NEK10: variants seen among roughly 807,000 people sequenced by gnomAD.
NEK10 encodes NIMA related kinase 10, also known as serine/threonine-protein kinase Nek10.
Under a neutral mutation model 159.8 loss-of-function variants are expected in NEK10, and 122 were observed. That is an observed-to-expected ratio of 0.76 (90% CI 0.66 to 0.89). The LOEUF is 0.89. Among genes scored for constraint, NEK10 ranks in the 40% least tolerant of loss-of-function variants. The probability of loss-of-function intolerance (pLI) is 0.00; values close to 1 mark genes in which losing one functional copy is unlikely to be tolerated. For missense variants in NEK10, 1,342 were observed against 1,323.1 expected, an observed-to-expected ratio of 1.01 and a Z score of -0.22; for synonymous variants, 466 against 457.1, an observed-to-expected ratio of 1.02 and a Z score of -0.25.
In NEK10 at chr3:27,106,657, T is replaced by C. The variant is rs1939018623; in HGVS notation, c.*4615A>G. Among the ~76,000 whole-genome samples the C allele has an allele frequency of 6.6e-6, 1 of 152,196 alleles. No individual in the cohort carries two copies. The highest frequency in any genetic ancestry group is 2.4e-5 in the African/African-American group (1 of 41,460). On this transcript the variant is annotated 3_prime_UTR_variant, in exon 36 of 36. Coordinates refer to ENST00000691995, the MANE Select transcript of NEK10 (RefSeq NM_001394966.1). ...AAAGGTGCCAAGGCCTTAAAGCAGT[T>C]GTTCCTCTTGGTTTGTTATTTCTGG...
intron 23 of NEK10, among the ~76,000 whole-genome samples, chr3:27,230,045 A>T (rs1257918768): frequency 5.9e-5 from 9 of 152,144 alleles, no homozygotes. Flanking sequence ...TTACAAAAAG[A>T]TCATCACAAA....
intron 23 of NEK10, among the ~76,000 whole-genome samples, chr3:27,254,180 T>G (rs1410631907): frequency 6.6e-6 from 1 of 152,170 alleles, no homozygotes; most frequent in African/African-American, 2.4e-5. Context: ...ATTATGAGAT[T>G]TTGGTTTTTT....
chr3:27,136,723 A>G (rs1002558892), intron 31 of NEK10, among the ~76,000 whole-genome samples: 2 of 152,204 alleles, frequency 1.3e-5, no homozygotes, highest in Non-Finnish European at 2.9e-5. Flanking sequence ...AAAGCAAGGT[A>G]AGGATTTTAA....
chr3:27,279,425 T>C (rs557854380), intron 22 of NEK10, among the ~76,000 whole-genome samples: 18 of 152,304 alleles, frequency 1.2e-4, no homozygotes, highest in African/African-American at 4.3e-4. Context: ...CAGGCTCTAC[T>C]AATTGCAGCT....
Position 27,171,817 on chromosome 3 carries a change from AC to A in NEK10, c.2831+1del, listed in dbSNP as rs763676097. On this transcript the variant is annotated splice_donor_variant, in intron 29 of 35. Coordinates refer to ENST00000691995, the MANE Select transcript of NEK10 (RefSeq NM_001394966.1). LOFTEE classifies it high-confidence loss of function. Reference sequence around the variant, plus strand: ...ATTTCTAGGAGTTCAATTTGCACCTACCTTGTTTGGGATTGTCTTTCTCCTC... The same window carrying A: ...ATTTCTAGGAGTTCAATTTGCACCTACTTGTTTGGGATTGTCTTTCTCCTC... 12 of 1,613,494 alleles carry A rather than the reference AC, an allele frequency of 7.4e-6. No individual in the cohort carries two copies. The Admixed American group carries it at 1.8e-4, about 25-fold the overall frequency.
At chr3:27,155,358 T>C (rs1477808642) in intron 30 of NEK10, among the ~76,000 whole-genome samples, 2 of 151,750 alleles carry the variant, frequency 1.3e-5, no homozygotes, top group African/African-American at 4.8e-5. Flanking sequence ...AAAAATCAGC[T>C]GGGTGTGGTA....
chr3:27,169,381 G>T (rs1418648090), intron 29 of NEK10, among the ~76,000 whole-genome samples: 2 of 151,996 alleles, frequency 1.3e-5, no homozygotes, highest in African/African-American at 4.8e-5. Context: ...TCTTTCCCCT[G>T]CCCTCCCCAT....
At chr3:27,149,036 A>T (rs907163430) in intron 30 of NEK10, among the ~76,000 whole-genome samples, 3 of 152,044 alleles carry the variant, frequency 2.0e-5, no homozygotes, top group South Asian at 2.1e-4. Flanking sequence ...GCAAATAATC[A>T]TTGGTAAAGG....
chr3:27,147,504 G>A (rs1030749862), intron 30 of NEK10, among the ~76,000 whole-genome samples: 12 of 152,238 alleles, frequency 7.9e-5, no homozygotes, highest in African/African-American at 2.9e-4. Context: ...TCACCTCTGG[G>A]TGATCAGGCA....
chr3:27,350,185 T>C (rs1317918689), intron 3 of NEK10, among the ~76,000 whole-genome samples: 2 of 152,156 alleles, frequency 1.3e-5, no homozygotes, highest in African/African-American at 4.8e-5. Context: ...TCAAATTGAG[T>C]ACTGAAAATC....
intron 22 of NEK10, among the ~76,000 whole-genome samples, chr3:27,256,912 C>CTTTTTTTTTTT (rs550014186): frequency 4.8e-5 from 6 of 125,118 alleles, no homozygotes; most frequent in Admixed American, 8.4e-5. Context: ...TTTTTTCTCT[C>CTTTTTTTTTTT]TTTTTTTTTT....
At chr3:27,281,418 G>C (rs2042151677) in intron 22 of NEK10, among the ~76,000 whole-genome samples, 1 of 151,958 alleles carries the variant, frequency 6.6e-6, no homozygotes, top group African/African-American at 2.4e-5. Flanking sequence ...AAATTTTCCA[G>C]AGTGATAAAA....
chr3:27,230,224 T>A (rs1159571564), intron 23 of NEK10, among the ~76,000 whole-genome samples: 1 of 152,090 alleles, frequency 6.6e-6, no homozygotes, highest in Non-Finnish European at 1.5e-5. Context: ...TTTAGCCTCC[T>A]TGAACAAATT....
At chr3:27,338,136 G>A (rs1218293834) in intron 5 of NEK10, among the ~76,000 whole-genome samples, 2 of 152,094 alleles carry the variant, frequency 1.3e-5, no homozygotes, top group Non-Finnish European at 2.9e-5. Flanking sequence ...CGCTCCCTGT[G>A]TCCATGTATT....
At chr3:27,337,701 AG>A (rs545255104) in intron 5 of NEK10, among the ~76,000 whole-genome samples, 136 of 152,322 alleles carry the variant, frequency 8.9e-4, no homozygotes, top group African/African-American at 3.2e-3. Flanking sequence ...CACTGCAAAA[AG>A]GACACCCTCT....
intron 30 of NEK10, chr3:27,162,176 G>A: frequency 2.6e-6 from 1 of 379,302 alleles, no homozygotes; most frequent in East Asian, 4.6e-5. Flanking sequence ...TTTGTTTGTA[G>A]GTATGTACTT....
chr3:27,162,644 A>G lies in NEK10; in HGVS notation c.2869+57T>C, dbSNP rs565664937. 23 of 1,614,054 alleles carry G rather than the reference A, an allele frequency of 1.4e-5. 1 individual carries two copies. The South Asian group carries it at 2.2e-4, about 15-fold the overall frequency. On this transcript the variant is annotated intron_variant, in intron 30 of 35. Coordinates refer to ENST00000691995, the MANE Select transcript of NEK10 (RefSeq NM_001394966.1). ...GGAAAGATATGAAACTGTAACATAA[A>G]TTACATTGAATTTTAGAGAGTTGTG...
At chr3:27,358,694 GA>G (rs1262150839) in intron 1 of NEK10, among the ~76,000 whole-genome samples, 1 of 152,114 alleles carries the variant, frequency 6.6e-6, no homozygotes, top group Non-Finnish European at 1.5e-5. Context: ...TCTCTACCCA[GA>G]AACCCGTTTT....
chr3:27,229,683 G>C (rs1333468813), intron 23 of NEK10, among the ~76,000 whole-genome samples: 1 of 152,024 alleles, frequency 6.6e-6, no homozygotes, highest in African/African-American at 2.4e-5. Context: ...AAACCAATCA[G>C]AACTTCTGGA....
Sources: allele counts gnomAD v4.1 joint callset (sites outside exome capture counted in the v4.1 genomes callset), GRCh38; gene constraint gnomAD v4.1.1; transcripts MANE v1.5; gene names NCBI Gene and HGNC (gene_info 2026-07-23, HGNC 2026-07-21).